The following IFRD1 variants were observed in gnomAD, a reference collection of about 807,000 sequenced individuals.
IFRD1 encodes interferon-related developmental regulator 1.
A neutral mutation model predicts 52.9 loss-of-function variants in IFRD1; 35 were observed. The observed-to-expected ratio is 0.66, with a 90% confidence interval of 0.51 to 0.88. The LOEUF is 0.88. IFRD1 is among the 40% of genes least tolerant of loss of function. The pLI is 0.00. For missense variants in IFRD1, 517 were observed against 550.8 expected, an observed-to-expected ratio of 0.94 and a Z score of 0.61; for synonymous variants, 184 against 188.4, an observed-to-expected ratio of 0.98 and a Z score of 0.19.
At chr7:112,456,131 T>A in intron 3 of IFRD1, 45 bp downstream of exon 3, 1 of 1,067,444 alleles carries the variant, frequency 9.4e-7, no homozygotes, top group Non-Finnish European at 1.5e-6. Flanking sequence ...CTATGCTTGA[T>A]CTTAGTCAAA....
intron 1 of IFRD1, among the ~76,000 whole-genome samples, chr7:112,429,954 T>TTTC (rs1794512307): frequency 6.6e-6 from 1 of 152,212 alleles, no homozygotes; most frequent in South Asian, 2.1e-4. Context: ...AGTGCTGATG[T>TTTC]TTCAGTCAGC....
chr7:112,470,176 CAT>C (rs1162637271), intron 9 of IFRD1, among the ~76,000 whole-genome samples: 2 of 152,140 alleles, frequency 1.3e-5, no homozygotes, highest in Non-Finnish European at 2.9e-5. Flanking sequence ...TTTCTTATCT[CAT>C]TATACCTCTT....
At chr7:112,469,524 T>C (rs3807205) in intron 9 of IFRD1, among the ~76,000 whole-genome samples, 9,174 of 152,200 alleles carry the variant, frequency 0.06, 299 homozygotes, top group South Asian at 0.096. Context: ...AGCCATTTTC[T>C]TTAAGTAACT....
At chr7:112,444,073 T>C in intron 1 of IFRD1, among the ~76,000 whole-genome samples, 1 of 152,192 alleles carries the variant, frequency 6.6e-6, no homozygotes, top group East Asian at 1.9e-4. Context: ...CTACTTACGC[T>C]GTTGCCATAA....
At chr7:112,455,341 C>T (rs1795263271) in intron 1 of IFRD1, among the ~76,000 whole-genome samples, 1 of 151,984 alleles carries the variant, frequency 6.6e-6, no homozygotes, top group Non-Finnish European at 1.5e-5. Flanking sequence ...AAAAATTTGT[C>T]AGGCGTGGTG....
intron 9 of IFRD1, among the ~76,000 whole-genome samples, chr7:112,471,303 A>G (rs1227296298): frequency 6.6e-6 from 1 of 152,130 alleles, no homozygotes; most frequent in Admixed American, 6.5e-5. Context: ...AAGTTACTTG[A>G]TGAAATCACA....
At chr7:112,451,043 T>TC (rs1465090660) in intron 1 of IFRD1, 82 of 518,060 alleles carry the variant, frequency 1.6e-4, no homozygotes, top group Non-Finnish European at 7.0e-6. Context: ...TGAGAGTGTG[T>TC]CGGGACAGGG....
chr7:112,458,822 G>A, intron 4 of IFRD1, 39 bp from the exon 5 acceptor site: 1 of 1,594,932 alleles, frequency 6.3e-7, no homozygotes, highest in Non-Finnish European at 8.6e-7. Flanking sequence ...TTAGTCTACT[G>A]AAAAGACTAT....
At chr7:112,468,849 C>T (rs1352791330) in intron 9 of IFRD1, among the ~76,000 whole-genome samples, 1 of 152,158 alleles carries the variant, frequency 6.6e-6, no homozygotes, top group Non-Finnish European at 1.5e-5. Context: ...AATAACAAAA[C>T]CCAGCATTTT....
At chr7:112,454,721 C>T (rs969696574) in intron 1 of IFRD1, among the ~76,000 whole-genome samples, 6 of 152,050 alleles carry the variant, frequency 3.9e-5, no homozygotes, top group Non-Finnish European at 8.8e-5. Flanking sequence ...TTTGCTAAGT[C>T]CAGCCATTCT....
At chr7:112,445,045 A>C (rs1794984324) in intron 1 of IFRD1, among the ~76,000 whole-genome samples, 1 of 150,954 alleles carries the variant, frequency 6.6e-6, no homozygotes, top group African/African-American at 2.4e-5. Flanking sequence ...ACTTGGAATC[A>C]GATAGGCCTA....
intron 1 of IFRD1, among the ~76,000 whole-genome samples, chr7:112,438,570 T>C (rs1794771457): frequency 6.6e-6 from 1 of 152,158 alleles, no homozygotes; most frequent in South Asian, 2.1e-4. Context: ...CAGCCTAGGG[T>C]TTCCAAAAAT....
At chr7:112,450,959 C>G in intron 1 of IFRD1, 177 bp downstream of exon 1, 1 of 644,574 alleles carries the variant, frequency 1.6e-6, no homozygotes, top group Non-Finnish European at 2.8e-6. Flanking sequence ...GCTCCTCGCG[C>G]GATTTAGATC....
intron 1 of IFRD1, 99 bp from the exon 2 acceptor site, chr7:112,455,664 T>C (rs1162923348): frequency 2.6e-6 from 2 of 774,256 alleles, no homozygotes; most frequent in African/African-American, 3.4e-5. Flanking sequence ...TGTGGTTTTA[T>C]TACTGGATTT....
chr7:112,449,837 G>C (rs1158217786), upstream of IFRD1, among the ~76,000 whole-genome samples: 1 of 116,348 alleles, frequency 8.6e-6, no homozygotes, highest in Non-Finnish European at 1.9e-5. Flanking sequence ...GGGGGGGGGG[G>C]GGGATGGGGG....
upstream of IFRD1, among the ~76,000 whole-genome samples, chr7:112,448,277 G>A (rs1167571486): frequency 1.3e-5 from 2 of 152,130 alleles, no homozygotes; most frequent in African/African-American, 4.8e-5. Flanking sequence ...GATGTGGTGG[G>A]CCATGGCCAG....
At chr7:112,459,102 CAA>C in intron 5 of IFRD1, 84 bp downstream of exon 5, 2 of 1,172,020 alleles carry the variant, frequency 1.7e-6, no homozygotes, top group Admixed American at 1.7e-5. Context: ...ACCAGCTACT[CAA>C]GAGGCTGAGG....
In IFRD1 at chr7:112,472,290, A is replaced by C; in HGVS notation, c.1113A>C (p.Lys371Asn). Residue 371 changes from lysine to asparagine, a missense_variant, in exon 10 of 12, where the codon AAA (lysine) becomes AAC (asparagine). Lys to Asn is a moderately conservative substitution (Grantham distance 94). Coordinates refer to ENST00000403825, the MANE Select transcript of IFRD1 (RefSeq NM_001550.4). ...TGTATATTGATTGCTGGGTAAAAAA[A>C]CACACCTATGACACCTTTAAGGAGG... is the stretch of plus-strand genomic sequence containing the variant. ...ERMYIDCWVKKHTYDTFKEVL... is the reference protein window; with the variant it reads ...ERMYIDCWVKNHTYDTFKEVL... 6.2e-7 allele frequency: 1 copy of C among 1,614,096 alleles called. No individual in the cohort carries two copies. The highest frequency in any genetic ancestry group is 8.5e-7 in the Non-Finnish European group (1 of 1,179,956).
At chr7:112,445,894 A>G (rs898207432), upstream of IFRD1, among the ~76,000 whole-genome samples, 17 of 152,250 alleles carry the variant, frequency 1.1e-4, no homozygotes, top group African/African-American at 4.1e-4. Flanking sequence ...ACTACAATAC[A>G]TATTAAAAAA....
Sources: allele counts gnomAD v4.1 joint callset (sites outside exome capture counted in the v4.1 genomes callset), GRCh38; gene constraint gnomAD v4.1.1; transcripts MANE v1.5; gene names NCBI Gene and HGNC (gene_info 2026-07-23, HGNC 2026-07-21).